PCDH15: variants seen among roughly 807,000 people sequenced by gnomAD.
PCDH15 encodes protocadherin-15.
In PCDH15, 129 loss-of-function variants were observed where a neutral mutation model predicts 178.5. The observed-to-expected ratio is 0.72, with a 90% CI of 0.63 to 0.84. The LOEUF is 0.84. PCDH15 is among the 40% of genes least tolerant of loss of function. PCDH15 has a pLI of 0.00. For synonymous variants in PCDH15, 800 were observed against 732.0 expected (o/e 1.09, Z -1.50); for missense variants, 2,230 against 2,099.9 (o/e 1.06, Z -1.21).
chr10:53,939,049 A>C, intron 24 of PCDH15, 94 bp from the exon 25 acceptor site: 1 of 1,288,350 alleles, frequency 7.8e-7, no homozygotes, highest in African/African-American at 1.5e-5. Flanking sequence ...AAACACTAAA[A>C]ATGCCTATTT....
At chr10:54,462,942 A>G in intron 3 of PCDH15, among the ~76,000 whole-genome samples, 1 of 151,976 alleles carries the variant, frequency 6.6e-6, no homozygotes, top group East Asian at 1.9e-4. Context: ...ATAAAACACT[A>G]AAAATGTTTA....
chr10:54,077,865 C>A (rs1331189247), intron 17 of PCDH15, among the ~76,000 whole-genome samples: 2 of 152,234 alleles, frequency 1.3e-5, no homozygotes, highest in Non-Finnish European at 2.9e-5. Context: ...GAGTTCGAGT[C>A]CAGCCTGGCC....
rs750279072 is a variant in PCDH15, at chr10:53,815,628, T to TGTAA, written c.4491+607_4491+610dup. Among the ~76,000 whole-genome samples, 29 of 152,294 alleles carry TGTAA rather than the reference T, an allele frequency of 1.9e-4. No homozygotes were observed. The East Asian group carries it at 2.9e-3, about 15-fold the overall frequency. On this transcript the variant is annotated intron_variant, in intron 35 of 37. Transcript: ENST00000644397. ...ACTCAAGGAAAAGGAATAAAATTTT[T>TGTAA]GTAAGTGGAGCTTATGAAATACTAA... is the stretch of plus-strand genomic sequence containing the variant.
chr10:53,864,249 T>G (rs1589146912), intron 27 of PCDH15, among the ~76,000 whole-genome samples: 1 of 152,120 alleles, frequency 6.6e-6, no homozygotes, highest in South Asian at 2.1e-4. Context: ...CAATTCATGA[T>G]AGTTTTCTAA....
At chr10:54,718,796 A>T (rs1408229866) in intron 1 of PCDH15, among the ~76,000 whole-genome samples, 2 of 150,808 alleles carry the variant, frequency 1.3e-5, no homozygotes, top group African/African-American at 4.9e-5. Context: ...GGTTCAAGCA[A>T]TTCGATTCTC....
chr10:53,967,223 C>T (rs887885823), intron 21 of PCDH15, among the ~76,000 whole-genome samples: 20 of 152,112 alleles, frequency 1.3e-4, no homozygotes, highest in African/African-American at 4.3e-4. Context: ...CTTGGCACTC[C>T]TCCTTGCTGC....
At chr10:53,972,937 C>T (rs1384391804) in intron 21 of PCDH15, among the ~76,000 whole-genome samples, 1 of 152,166 alleles carries the variant, frequency 6.6e-6, no homozygotes, top group Non-Finnish European at 1.5e-5. Context: ...CATCGCATTA[C>T]TGGGCATATA....
chr10:54,570,838 T>TTTTC (rs1222911627), intron 2 of PCDH15, among the ~76,000 whole-genome samples: 11 of 150,546 alleles, frequency 7.3e-5, no homozygotes, highest in Non-Finnish European at 1.3e-4. Flanking sequence ...TCTTTTTTTT[T>TTTTC]TGTATTTTTA....
intron 1 of PCDH15, among the ~76,000 whole-genome samples, chr10:54,763,047 G>A (rs1420418804): frequency 6.6e-6 from 1 of 152,114 alleles, no homozygotes. Context: ...ATTCAGCTAA[G>A]GTATACATCA....
chr10:55,294,028 G>C (rs1843076206), intron 1 of PCDH15, among the ~76,000 whole-genome samples: 1 of 152,236 alleles, frequency 6.6e-6, no homozygotes, highest in South Asian at 2.1e-4. Flanking sequence ...AAATAAAGAA[G>C]TTTAATGGAC....
chr10:55,179,607 A>G (rs1242301871), intron 1 of PCDH15, among the ~76,000 whole-genome samples: 1 of 151,994 alleles, frequency 6.6e-6, no homozygotes, highest in African/African-American at 2.4e-5. Flanking sequence ...TTACCCACTT[A>G]CAGGTCCCCT....
chr10:54,697,534 T>TATATATATATATAC (rs1256170283), intron 1 of PCDH15, among the ~76,000 whole-genome samples: 1 of 150,624 alleles, frequency 6.6e-6, no homozygotes, highest in African/African-American at 2.5e-5. Flanking sequence ...TATATATATA[T>TATATATATATATAC]ACCTCTTTAC....
At chr10:54,472,792 G>A (rs950110881) in intron 3 of PCDH15, among the ~76,000 whole-genome samples, 5 of 152,110 alleles carry the variant, frequency 3.3e-5, no homozygotes, top group African/African-American at 1.2e-4. Flanking sequence ...GGAAAGGAGT[G>A]GACAGGTGTT....
chr10:53,821,657 A>T, intron 32 of PCDH15: 1 of 1,343,630 alleles, frequency 7.4e-7, no homozygotes, highest in African/African-American at 1.5e-5. Flanking sequence ...TGTAGTTTTT[A>T]AAAAGTAAGG....
At chr10:55,022,695 T>C (rs1457631620) in intron 2 of PCDH15, among the ~76,000 whole-genome samples, 1 of 148,270 alleles carries the variant, frequency 6.7e-6, no homozygotes, top group African/African-American at 2.5e-5. Context: ...AACTCTAAAA[T>C]ATGAATTTTC....
chr10:54,985,721 AAAGTC>A (rs1370611291), intron 2 of PCDH15, among the ~76,000 whole-genome samples: 1 of 152,216 alleles, frequency 6.6e-6, no homozygotes, highest in Non-Finnish European at 1.5e-5. Context: ...AATTCAAAGT[AAAGTC>A]TTTACTGAAT....
At chr10:54,941,748 A>T (rs143080863) in intron 2 of PCDH15, among the ~76,000 whole-genome samples, 1 of 152,164 alleles carries the variant, frequency 6.6e-6, no homozygotes, top group East Asian at 1.9e-4. Flanking sequence ...ACTGGAGATT[A>T]TATTTGTTAT....
chr10:55,161,980 G>T (rs185049217), intron 2 of PCDH15, among the ~76,000 whole-genome samples: 1 of 152,196 alleles, frequency 6.6e-6, no homozygotes, highest in East Asian at 1.9e-4. Flanking sequence ...AAATACTTAA[G>T]CTCCCTTCAG....
At chr10:54,241,220 T>C (rs1044313336) in intron 8 of PCDH15, among the ~76,000 whole-genome samples, 1 of 152,174 alleles carries the variant, frequency 6.6e-6, no homozygotes, top group African/African-American at 2.4e-5. Flanking sequence ...ACAGAGTCTC[T>C]TCACATAGAC....
Sources: gnomAD v4.1 joint callset for allele counts (sites outside exome capture counted in the v4.1 genomes callset) on GRCh38, gnomAD v4.1.1 for gene constraint, MANE v1.5 for transcripts, NCBI Gene and HGNC (gene_info 2026-07-23, HGNC 2026-07-21) for gene names.